SEMA5A: variants seen among roughly 807,000 people sequenced by gnomAD.
SEMA5A encodes semaphorin 5A, also known as semaphorin-5A.
Under a neutral mutation model 135.5 loss-of-function variants are expected in SEMA5A, and 55 were observed. The observed-to-expected ratio is 0.41, with a 90% CI of 0.33 to 0.51. The LOEUF is 0.51. SEMA5A is among the 20% of genes least tolerant of loss of function. The pLI is 0.37. For synonymous variants in SEMA5A, 580 were observed against 546.5 expected (o/e 1.06, Z -0.85); for missense variants, 1,290 against 1,419.9 (o/e 0.91, Z 1.47).
At chr5:9,212,265 A>C (rs2150389635) in intron 8 of SEMA5A, among the ~76,000 whole-genome samples, 1 of 152,270 alleles carries the variant, frequency 6.6e-6, no homozygotes, top group Middle Eastern at 3.4e-3. Flanking sequence ...GGCAAGTTTT[A>C]TTGCTTTTCT....
At chr5:9,167,156 G>A (rs1431615000) in intron 11 of SEMA5A, among the ~76,000 whole-genome samples, 6 of 152,208 alleles carry the variant, frequency 3.9e-5, no homozygotes, top group Non-Finnish European at 7.3e-5. Flanking sequence ...ATTTTTCTCA[G>A]TGGCTACATT....
chr5:9,162,233 C>T (rs941891506), intron 11 of SEMA5A, among the ~76,000 whole-genome samples: 14 of 152,012 alleles, frequency 9.2e-5, no homozygotes, highest in African/African-American at 2.2e-4. Flanking sequence ...AGAAACACTG[C>T]GGCCAACATG....
At chr5:9,086,494 G>T (rs1160650249) in intron 16 of SEMA5A, among the ~76,000 whole-genome samples, 1 of 152,284 alleles carries the variant, frequency 6.6e-6, no homozygotes, top group East Asian at 1.9e-4. Flanking sequence ...TCTCTTGTCT[G>T]CCGCCATTTG....
At chr5:9,195,494 T>C (rs934363436) in intron 10 of SEMA5A, among the ~76,000 whole-genome samples, 1 of 152,204 alleles carries the variant, frequency 6.6e-6, no homozygotes, top group African/African-American at 2.4e-5. Context: ...ATTTATCAAA[T>C]ATTTTATACA....
chr5:9,336,003 A>G (rs975259383), intron 4 of SEMA5A, among the ~76,000 whole-genome samples: 1 of 152,106 alleles, frequency 6.6e-6, no homozygotes, highest in African/African-American at 2.4e-5. Flanking sequence ...GTTAAAAAAA[A>G]AAAGTAGATG....
At chr5:9,343,266 T>C (rs982667715) in intron 3 of SEMA5A, among the ~76,000 whole-genome samples, 15 of 152,220 alleles carry the variant, frequency 9.9e-5, no homozygotes, top group Admixed American at 9.2e-4. Context: ...TGTACTGATC[T>C]GCTTTATTGG....
At chr5:9,371,555 A>G (rs186588428) in intron 3 of SEMA5A, among the ~76,000 whole-genome samples, 18 of 152,366 alleles carry the variant, frequency 1.2e-4, no homozygotes, top group African/African-American at 4.1e-4. Context: ...AACTGACAAT[A>G]TATTTTAAAA....
Position 9,088,655 on chromosome 5 carries a change from T to C in SEMA5A, c.2073+19485A>G, listed in dbSNP as rs1485105946. Among the ~76,000 whole-genome samples, 37 of 99,764 alleles carry C rather than the reference T, an allele frequency of 3.7e-4. 1 individual carries two copies. The highest frequency in any genetic ancestry group is 7.4e-4 in the Non-Finnish European group (34 of 46,250). 65.4% of individuals were successfully genotyped at this position (99,764 alleles called of 152,430 possible). A position where few individuals can be genotyped will look rare whatever the true frequency, so the allele number is the denominator to read the frequency against. On this transcript the variant is annotated intron_variant, in intron 16 of 22. Transcript: ENST00000382496. ...CATTTATAATATATATATATATATA[T>C]ATATACACACACACACTCATGGAAT... is the stretch of plus-strand genomic sequence containing the variant.
rs1327153714 is a variant in SEMA5A, at chr5:9,545,985, G to A, written c.-576C>T. 1 of 152,296 alleles carries A rather than the reference G, an allele frequency of 6.6e-6. No homozygotes were observed. The highest frequency in any genetic ancestry group is 1.5e-5 in the Non-Finnish European group (1 of 68,176). 9.4% of individuals were successfully genotyped at this position (152,296 alleles called of 1,614,324 possible). ...GCGGGCCAAGGGCCGCGGCTGGCCTGAGGCTGCGAAGCCCACCCGCGGCGG... is the reference window on the plus strand; with the variant it reads ...GCGGGCCAAGGGCCGCGGCTGGCCTAAGGCTGCGAAGCCCACCCGCGGCGG... On this transcript the variant is annotated 5_prime_UTR_variant, in exon 1 of 23. Transcript: ENST00000382496. The surrounding 1 kb of genome is among the most constrained non-coding windows in gnomAD (Gnocchi z 4.5).
At chr5:9,462,928 C>T (rs1466315315) in intron 1 of SEMA5A, among the ~76,000 whole-genome samples, 2 of 147,690 alleles carry the variant, frequency 1.4e-5, no homozygotes, top group Non-Finnish European at 3.0e-5. Flanking sequence ...ACCCCCGTGA[C>T]ATAAGTTTAC....
chr5:9,182,000 C>T (rs564359135), intron 11 of SEMA5A, among the ~76,000 whole-genome samples: 1 of 152,244 alleles, frequency 6.6e-6, no homozygotes, highest in Admixed American at 6.5e-5. Flanking sequence ...CCATGAAAGA[C>T]AGCACAACTT....
intron 8 of SEMA5A, among the ~76,000 whole-genome samples, chr5:9,224,007 C>T (rs1303874096): frequency 6.6e-6 from 1 of 152,098 alleles, no homozygotes; most frequent in African/African-American, 2.4e-5. Context: ...GGCTCTTCTT[C>T]GAGTGGATGT....
At chr5:9,311,319 A>C (rs1752121149) in intron 5 of SEMA5A, among the ~76,000 whole-genome samples, 1 of 152,016 alleles carries the variant, frequency 6.6e-6, no homozygotes, top group South Asian at 2.1e-4. Flanking sequence ...CTAGTCTAAA[A>C]ATTGACTCAC....
rs186406079 is a variant in SEMA5A at position 9,532,074 on chromosome 5, T to C, written c.-175+13510A>G. ...CAACCTGAAGGCAGTCAATATTCAA[T>C]GAATAAGGCACAATAATTCACCAAA... On this transcript the variant is annotated intron_variant, in intron 1 of 22. Coordinates refer to ENST00000382496, the MANE Select transcript of SEMA5A (RefSeq NM_003966.3). 6.6e-5 allele frequency among the ~76,000 whole-genome samples: 10 copies of C among 152,336 alleles called. No individual in the cohort carries two copies. The East Asian group carries it at 1.7e-3, about 26-fold the overall frequency.
intron 5 of SEMA5A, among the ~76,000 whole-genome samples, chr5:9,249,275 C>G (rs1260233082): frequency 6.6e-6 from 1 of 152,170 alleles, no homozygotes; most frequent in Non-Finnish European, 1.5e-5. Context: ...GTCTCCCCTA[C>G]TGTACCAGGA....
At chr5:9,066,726 A>G (rs1360007658) in intron 16 of SEMA5A, 80 bp from the exon 17 acceptor site, 2 of 1,249,522 alleles carry the variant, frequency 1.6e-6, no homozygotes, top group Non-Finnish European at 2.3e-6. Flanking sequence ...CTTTAGGGAA[A>G]GATAAGGGTC....
intron 1 of SEMA5A, among the ~76,000 whole-genome samples, chr5:9,483,307 C>T (rs1759947108): frequency 6.6e-6 from 1 of 152,170 alleles, no homozygotes; most frequent in Non-Finnish European, 1.5e-5. Context: ...CTCCCTCACT[C>T]TTCTCTCAAC....
chr5:9,439,104 G>C (rs887980633), intron 1 of SEMA5A, among the ~76,000 whole-genome samples: 2 of 152,194 alleles, frequency 1.3e-5, no homozygotes, highest in African/African-American at 4.8e-5. Context: ...CCCTCATATC[G>C]TGCAGCACGG....
intron 11 of SEMA5A, among the ~76,000 whole-genome samples, chr5:9,160,658 T>C (rs1478003066): frequency 6.6e-6 from 1 of 152,158 alleles, no homozygotes; most frequent in African/African-American, 2.4e-5. Flanking sequence ...TATATATTTT[T>C]TGCTGGTGAC....
Sources: allele counts gnomAD v4.1 joint callset (sites outside exome capture counted in the v4.1 genomes callset), GRCh38; gene constraint gnomAD v4.1.1; non-coding constraint Gnocchi (gnomAD v3.1); transcripts MANE v1.5; gene names NCBI Gene and HGNC (gene_info 2026-07-23, HGNC 2026-07-21).